EXOC6B: variants seen among roughly 807,000 people sequenced by gnomAD.
EXOC6B encodes the protein SEC15 homolog B.
A neutral mutation model predicts 113.5 loss-of-function variants in EXOC6B; 54 were observed. The observed-to-expected ratio is 0.48, with a 90% confidence interval of 0.38 to 0.60. The LOEUF is 0.60. EXOC6B is among the 20% of genes least tolerant of loss of function. The probability of loss-of-function intolerance (pLI) is 0.00; values close to 1 mark genes in which losing one functional copy is unlikely to be tolerated. For missense variants in EXOC6B, 797 were observed against 977.5 expected (o/e 0.82, Z 2.46); for synonymous variants, 357 against 339.0 (o/e 1.05, Z -0.58).
At chr2:72,561,822 C>T (rs1703902034) in intron 7 of EXOC6B, among the ~76,000 whole-genome samples, 1 of 152,118 alleles carries the variant, frequency 6.6e-6, no homozygotes. Context: ...ATCATTCTAT[C>T]AGCTTCAAAC....
chr2:72,550,919 ATTT>A (rs761690851), intron 8 of EXOC6B, among the ~76,000 whole-genome samples: 1 of 133,126 alleles, frequency 7.5e-6, no homozygotes, highest in East Asian at 2.2e-4. Flanking sequence ...TTTTTTTTTT[ATTT>A]TTTTTTTTTT....
At chr2:72,756,674 C>T (rs902287741) in intron 1 of EXOC6B, among the ~76,000 whole-genome samples, 1 of 152,180 alleles carries the variant, frequency 6.6e-6, no homozygotes, top group Non-Finnish European at 1.5e-5. Flanking sequence ...CACTAACTCA[C>T]TTATTCCCCA....
intron 19 of EXOC6B, among the ~76,000 whole-genome samples, chr2:72,349,546 T>A (rs999508062): frequency 6.6e-6 from 1 of 152,078 alleles, no homozygotes; most frequent in Non-Finnish European, 1.5e-5. Context: ...TAAAACCCCA[T>A]ATAAAAACTC....
At chr2:72,668,567 C>T (rs1037884190) in intron 6 of EXOC6B, among the ~76,000 whole-genome samples, 7 of 152,084 alleles carry the variant, frequency 4.6e-5, no homozygotes, top group Admixed American at 6.6e-5. Context: ...ACATATACAC[C>T]GTGGAATGCT....
chr2:72,705,775 C>A (rs565008287), intron 6 of EXOC6B, among the ~76,000 whole-genome samples: 2 of 152,234 alleles, frequency 1.3e-5, no homozygotes, highest in East Asian at 3.9e-4. Context: ...AAGACCTACA[C>A]AATTCTTTTC....
chr2:72,632,831 G>A (rs1672564149), intron 6 of EXOC6B, among the ~76,000 whole-genome samples: 1 of 152,046 alleles, frequency 6.6e-6, no homozygotes, highest in Non-Finnish European at 1.5e-5. Context: ...ACAGGTTTGT[G>A]TCACCATTCC....
chr2:72,247,724 C>T (rs962264624), intron 20 of EXOC6B, among the ~76,000 whole-genome samples: 1 of 152,166 alleles, frequency 6.6e-6, no homozygotes, highest in Non-Finnish European at 1.5e-5. Flanking sequence ...GGGAAATTTG[C>T]AAATTTTTTA....
At chr2:72,636,714 T>C (rs372682024) in intron 6 of EXOC6B, among the ~76,000 whole-genome samples, 19 of 152,204 alleles carry the variant, frequency 1.2e-4, no homozygotes, top group African/African-American at 3.6e-4. Flanking sequence ...AAAAACTTCA[T>C]AGTAAATGGT....
intron 2 of EXOC6B, among the ~76,000 whole-genome samples, chr2:72,733,512 C>A (rs1415572339): frequency 2.0e-5 from 3 of 152,128 alleles, no homozygotes; most frequent in African/African-American, 7.2e-5. Context: ...ATACACTGAA[C>A]TTGTTAACTC....
chr2:72,242,387 T>C (rs778801191), intron 20 of EXOC6B, among the ~76,000 whole-genome samples: 26 of 152,212 alleles, frequency 1.7e-4, no homozygotes, highest in Non-Finnish European at 3.2e-4. Flanking sequence ...AACTCTGTTA[T>C]AATGTATTTG....
At chr2:72,473,968 T>C (rs1698566537) in intron 17 of EXOC6B, among the ~76,000 whole-genome samples, 1 of 152,182 alleles carries the variant, frequency 6.6e-6, no homozygotes, top group Non-Finnish European at 1.5e-5. Context: ...TTCTTTCAGC[T>C]TTTGCTTGTA....
chr2:72,614,415 A>G (rs558125846), intron 6 of EXOC6B, among the ~76,000 whole-genome samples: 2 of 151,658 alleles, frequency 1.3e-5, no homozygotes, highest in South Asian at 2.1e-4. Flanking sequence ...CAGCCTGTAT[A>G]TGGATCTGGA....
intron 6 of EXOC6B, among the ~76,000 whole-genome samples, chr2:72,683,790 G>C (rs546286107): frequency 2.6e-5 from 4 of 152,246 alleles, no homozygotes; most frequent in Admixed American, 6.5e-5. Flanking sequence ...AGTGACTTCA[G>C]CCCAGCTATC....
intron 6 of EXOC6B, among the ~76,000 whole-genome samples, chr2:72,650,397 C>T (rs1338500678): frequency 1.3e-5 from 2 of 152,022 alleles, no homozygotes; most frequent in East Asian, 3.9e-4. Context: ...GTCAGGAGAT[C>T]GAGACCATCC....
chr2:72,597,745 A>T (rs140065994), intron 6 of EXOC6B, among the ~76,000 whole-genome samples: 66 of 152,086 alleles, frequency 4.3e-4, no homozygotes, highest in African/African-American at 1.3e-3. Context: ...GAGATGGGGA[A>T]ACATATACCA....
At chr2:72,653,234 T>C (rs111546472) in intron 6 of EXOC6B, among the ~76,000 whole-genome samples, 1 of 150,614 alleles carries the variant, frequency 6.6e-6, no homozygotes, top group Non-Finnish European at 1.5e-5. Context: ...CCATAAAAAA[T>C]GATGAGTTCA....
chr2:72,311,716 C>T (rs1028206214), intron 20 of EXOC6B, among the ~76,000 whole-genome samples: 1 of 151,370 alleles, frequency 6.6e-6, no homozygotes, highest in East Asian at 1.9e-4. Flanking sequence ...TATTATTCTG[C>T]CACACACACA....
intron 6 of EXOC6B, among the ~76,000 whole-genome samples, chr2:72,644,658 T>C (rs1312642033): frequency 6.6e-6 from 1 of 152,144 alleles, no homozygotes; most frequent in Non-Finnish European, 1.5e-5. Context: ...AAAATAATTT[T>C]CAACCCAGAA....
chr2:72,398,259 C>T (rs551910159), intron 18 of EXOC6B, among the ~76,000 whole-genome samples: 1 of 152,180 alleles, frequency 6.6e-6, no homozygotes, highest in African/African-American at 2.4e-5. Context: ...TTGGACCCAA[C>T]TAAAGCATCA....
Sources: gnomAD v4.1 joint callset for allele counts (sites outside exome capture counted in the v4.1 genomes callset) on GRCh38, gnomAD v4.1.1 for gene constraint, MANE v1.5 for transcripts, NCBI Gene and HGNC (gene_info 2026-07-23, HGNC 2026-07-21) for gene names.